The following GPC5 variants were observed in gnomAD, a reference collection of about 807,000 sequenced individuals.
The protein encoded by GPC5 is glypican-5.
GPC5 carries 47 observed loss-of-function variants against 53.9 expected under a neutral mutation model. That is an observed-to-expected ratio of 0.87 (90% CI 0.69 to 1.11). The LOEUF is 1.11. Ranked by LOEUF, GPC5 falls within the 50% of genes most tolerant of loss-of-function variation. GPC5 has a pLI of 0.00. For missense variants in GPC5, 748 were observed against 713.1 expected (o/e 1.05, Z -0.56); for synonymous variants, 286 against 263.3 (o/e 1.09, Z -0.84).
At chr13:92,481,097 T>G (rs1039430456) in intron 7 of GPC5, among the ~76,000 whole-genome samples, 1 of 131,720 alleles carries the variant, frequency 7.6e-6, no homozygotes, top group African/African-American at 2.5e-5. Context: ...AATTTTTATA[T>G]TTTTTTGCAT....
intron 2 of GPC5, among the ~76,000 whole-genome samples, chr13:91,668,694 A>G (rs1278742583): frequency 1.3e-5 from 2 of 152,240 alleles, no homozygotes; most frequent in Admixed American, 1.3e-4. Flanking sequence ...AAATATAAAA[A>G]TAATTCCAGA....
intron 7 of GPC5, among the ~76,000 whole-genome samples, chr13:92,335,750 A>G (rs1047865721): frequency 4.6e-5 from 7 of 152,196 alleles, no homozygotes. Flanking sequence ...TTGCATAGCA[A>G]GAGTGAACTT....
intron 2 of GPC5, among the ~76,000 whole-genome samples, chr13:91,493,207 T>C (rs1884036164): frequency 6.6e-6 from 1 of 152,214 alleles, no homozygotes; most frequent in Non-Finnish European, 1.5e-5. Flanking sequence ...TCTTTAACTT[T>C]TAAATTTTGT....
At chr13:92,075,549 A>G (rs575237405) in intron 6 of GPC5, among the ~76,000 whole-genome samples, 1 of 152,348 alleles carries the variant, frequency 6.6e-6, no homozygotes, top group East Asian at 1.9e-4. Flanking sequence ...TCAAGTCTCA[A>G]GATAAATTCT....
In GPC5 at chr13:92,440,466, T is replaced by A. The variant is rs776912754; in HGVS notation, c.1561+295477T>A. 2.6e-5 allele frequency among the ~76,000 whole-genome samples: 4 copies of A among 152,316 alleles called. No homozygotes were observed. In the South Asian group the frequency reaches 8.3e-4, roughly 32 times the overall value. ...TGTGTGGCTGCATAGTATTCCATGG[T>A]ATATACGTACCACATTTTCTTTATT... On this transcript the variant is annotated intron_variant, in intron 7 of 7. Transcript: ENST00000377067.
At chr13:92,142,814 C>T (rs368429702) in intron 6 of GPC5, among the ~76,000 whole-genome samples, 14 of 152,072 alleles carry the variant, frequency 9.2e-5, no homozygotes, top group East Asian at 1.9e-4. Context: ...AAAGTTGATA[C>T]GGGAAAATGT....
intron 6 of GPC5, among the ~76,000 whole-genome samples, chr13:92,143,638 G>T (rs2041846891): frequency 6.6e-6 from 1 of 152,078 alleles, no homozygotes; most frequent in Admixed American, 6.6e-5. Flanking sequence ...ATTTTTGTTA[G>T]AAAACTAATG....
chr13:91,965,283 G>T (rs974957739), intron 6 of GPC5, among the ~76,000 whole-genome samples: 2 of 152,042 alleles, frequency 1.3e-5, no homozygotes, highest in Non-Finnish European at 2.9e-5. Flanking sequence ...CTCAATAATT[G>T]TTAGCTATTC....
chr13:91,491,883 C>T (rs914712376), intron 2 of GPC5, among the ~76,000 whole-genome samples: 7 of 152,134 alleles, frequency 4.6e-5, no homozygotes, highest in Non-Finnish European at 5.9e-5. Flanking sequence ...ACTCTTTTTC[C>T]AAATAAAGTC....
chr13:92,765,321 G>A (rs915898982), intron 7 of GPC5, among the ~76,000 whole-genome samples: 1 of 152,154 alleles, frequency 6.6e-6, no homozygotes, highest in Non-Finnish European at 1.5e-5. Context: ...AAGTCATTAA[G>A]CCTATAAAAT....
intron 7 of GPC5, among the ~76,000 whole-genome samples, chr13:92,217,841 T>C (rs1241637258): frequency 6.6e-6 from 1 of 150,554 alleles, no homozygotes; most frequent in Non-Finnish European, 1.5e-5. Flanking sequence ...TATGCCATAA[T>C]ACAACATGGA....
intron 7 of GPC5, among the ~76,000 whole-genome samples, chr13:92,574,368 C>T (rs1883127981): frequency 6.6e-6 from 1 of 152,140 alleles, no homozygotes; most frequent in Non-Finnish European, 1.5e-5. Flanking sequence ...GCAATACCTT[C>T]TTCAAATCAT....
At chr13:92,085,930 C>A (rs946989390) in intron 6 of GPC5, among the ~76,000 whole-genome samples, 2 of 152,206 alleles carry the variant, frequency 1.3e-5, no homozygotes, top group African/African-American at 4.8e-5. Flanking sequence ...CCGCCACTCA[C>A]CCCGTGCTTT....
At chr13:92,103,780 A>T (rs1998873) in intron 6 of GPC5, among the ~76,000 whole-genome samples, 79,790 of 152,014 alleles carry the variant, frequency 0.52, 22,492 homozygotes, top group African/African-American at 0.74. Context: ...ACCCTTAGCC[A>T]TAACTTCTTG....
intron 3 of GPC5, among the ~76,000 whole-genome samples, chr13:91,702,695 A>G (rs1339698374): frequency 1.3e-5 from 2 of 152,068 alleles, no homozygotes; most frequent in Non-Finnish European, 2.9e-5. Flanking sequence ...GTACTTTGAT[A>G]GAGATTGCAC....
chr13:92,108,498 A>T (rs2041527589), intron 6 of GPC5, among the ~76,000 whole-genome samples: 1 of 152,202 alleles, frequency 6.6e-6, no homozygotes, highest in South Asian at 2.1e-4. Flanking sequence ...CCAGTGTCTT[A>T]TCATGTCAGC....
At chr13:92,293,526 G>A (rs914497184) in intron 7 of GPC5, among the ~76,000 whole-genome samples, 44 of 139,892 alleles carry the variant, frequency 3.1e-4, no homozygotes, top group African/African-American at 1.1e-3. Context: ...AAAGATACTT[G>A]TTTGTGTGCA....
chr13:91,647,178 G>C (rs2034581798), intron 2 of GPC5, among the ~76,000 whole-genome samples: 1 of 149,044 alleles, frequency 6.7e-6, no homozygotes, highest in African/African-American at 2.5e-5. Context: ...TTTTGTGCAG[G>C]GTATACATGT....
intron 7 of GPC5, among the ~76,000 whole-genome samples, chr13:92,409,667 TG>T (rs1875956872): frequency 6.6e-6 from 1 of 151,810 alleles, no homozygotes; most frequent in Non-Finnish European, 1.5e-5. Context: ...CCTAGGATTT[TG>T]TTTCAAAGAA....
Sources: gnomAD v4.1 joint callset for allele counts (sites outside exome capture counted in the v4.1 genomes callset) on GRCh38, gnomAD v4.1.1 for gene constraint, MANE v1.5 for transcripts, NCBI Gene and HGNC (gene_info 2026-07-23, HGNC 2026-07-21) for gene names.